SLC2A7: variants seen among roughly 807,000 people sequenced by gnomAD.
SLC2A7 encodes solute carrier family 2, facilitated glucose transporter member 7.
Under a neutral mutation model 50.5 loss-of-function variants are expected in SLC2A7, and 50 were observed. The observed-to-expected ratio is 0.99, with a 90% confidence interval of 0.79 to 1.25. The LOEUF is 1.25. SLC2A7 is among the 50% of genes most tolerant of loss of function. The pLI, the probability that SLC2A7 is intolerant of heterozygous loss-of-function variation, is 0.00. For synonymous variants in SLC2A7, 308 were observed against 300.4 expected, an observed-to-expected ratio of 1.03 and a Z score of -0.26; for missense variants, 683 against 679.1, an observed-to-expected ratio of 1.01 and a Z score of -0.06.
intron 1 of SLC2A7, 75 bp from the exon 2 acceptor site, chr1:9,025,149 C>T: frequency 6.9e-7 from 1 of 1,457,816 alleles, no homozygotes; most frequent in Non-Finnish European, 9.5e-7. Context: ...GCCTCCACCT[C>T]CCTCCAGCCT....
At chr1:9,017,762 C>T (rs1461748517) in intron 5 of SLC2A7, among the ~76,000 whole-genome samples, 2 of 152,210 alleles carry the variant, frequency 1.3e-5, no homozygotes, top group Non-Finnish European at 2.9e-5. Context: ...ACGACCCCCA[C>T]TCGCTCTCAG....
At chr1:9,003,885 A>C (rs1170478751) in intron 11 of SLC2A7, among the ~76,000 whole-genome samples, 1 of 151,976 alleles carries the variant, frequency 6.6e-6, no homozygotes, top group African/African-American at 2.4e-5. Flanking sequence ...CAAAAACCCC[A>C]AAACAAACAA....
chr1:8,993,786 C>A, the SLC2A7 span, among the ~76,000 whole-genome samples: 1 of 152,116 alleles, frequency 6.6e-6, no homozygotes, highest in Non-Finnish European at 1.5e-5. Context: ...CGTCACCATG[C>A]CCGGCTACTT....
chr1:9,019,887 G>A (rs1640887828), intron 3 of SLC2A7, among the ~76,000 whole-genome samples: 1 of 152,000 alleles, frequency 6.6e-6, no homozygotes, highest in Admixed American at 6.6e-5. Context: ...TCGTGCCACT[G>A]CACTCCATCC....
intron 1 of SLC2A7, 133 bp from the exon 2 acceptor site, chr1:9,025,207 G>C: frequency 1.1e-6 from 1 of 886,820 alleles, no homozygotes; most frequent in Non-Finnish European, 1.8e-6. Context: ...CCCCGGAAAA[G>C]AGGAGGAGGT....
At chr1:9,013,756 G>C in intron 7 of SLC2A7, 121 bp from the exon 8 acceptor site, 1 of 762,508 alleles carries the variant, frequency 1.3e-6, no homozygotes, top group South Asian at 2.0e-5. Context: ...GACAGGAAGA[G>C]GGTAGCAGGT....
At chr1:9,017,586 G>A (rs995059742) in intron 5 of SLC2A7, among the ~76,000 whole-genome samples, 2 of 152,200 alleles carry the variant, frequency 1.3e-5, no homozygotes, top group African/African-American at 4.8e-5. Flanking sequence ...GTTGAGCCTG[G>A]ACTAAAACGG....
the SLC2A7 span, among the ~76,000 whole-genome samples, chr1:8,995,687 G>A: frequency 1.3e-5 from 2 of 152,222 alleles, no homozygotes; most frequent in Non-Finnish European, 1.5e-5. Flanking sequence ...GGAGGTTGCA[G>A]TGAGCTGAGA....
downstream of SLC2A7, among the ~76,000 whole-genome samples, chr1:9,001,679 A>G (rs1557644491): frequency 6.6e-6 from 1 of 151,878 alleles, no homozygotes; most frequent in African/African-American, 2.4e-5. Context: ...CAGCCTCCCA[A>G]AGTGCTGGGT....
Position 9,008,903 on chromosome 1 carries a change from T to C in SLC2A7, c.1116+1240A>G, listed in dbSNP as rs1032936997. On this transcript the variant is annotated intron_variant, in intron 9 of 11. Coordinates refer to ENST00000400906, the MANE Select transcript of SLC2A7 (RefSeq NM_207420.3). The surrounding 1 kb of genome is among the most constrained non-coding windows in gnomAD (Gnocchi z 5.9). ...GAGCCACTGCGTCTGGCTGAGAACT[T>C]ATACTGGTTTTAAAATTAAAGAAGA... Among the ~76,000 whole-genome samples, 1 of 152,206 alleles carries C rather than the reference T, an allele frequency of 6.6e-6. No homozygotes were observed. The highest frequency in any genetic ancestry group is 1.9e-4 in the East Asian group (1 of 5,198).
At chr1:9,013,056 C>A (rs111539677) in intron 8 of SLC2A7, among the ~76,000 whole-genome samples, 3,685 of 152,168 alleles carry the variant, frequency 0.024, 149 homozygotes, top group African/African-American at 0.084. Context: ...ATGCCCAGCT[C>A]ATTTTTGTAT....
chr1:9,014,508 A>T (rs1640796376), intron 7 of SLC2A7, among the ~76,000 whole-genome samples, 173 bp downstream of exon 7: 1 of 152,170 alleles, frequency 6.6e-6, no homozygotes, highest in Non-Finnish European at 1.5e-5. Flanking sequence ...ATGTGGGGAG[A>T]GGCAGAGCAC....
intron 7 of SLC2A7, among the ~76,000 whole-genome samples, chr1:9,014,063 C>T (rs533463871): frequency 1.6e-4 from 24 of 152,220 alleles, no homozygotes; most frequent in African/African-American, 4.3e-4. Flanking sequence ...TGAAAGGCCA[C>T]GTGTGCTATT....
downstream of SLC2A7, among the ~76,000 whole-genome samples, chr1:9,000,333 T>G (rs1640557345): frequency 6.6e-6 from 1 of 150,534 alleles, no homozygotes; most frequent in African/African-American, 2.4e-5. Flanking sequence ...AAAGGGGTGG[T>G]CTAGGCTGGG....
chr1:9,011,534 C>T (rs559901717), intron 8 of SLC2A7, among the ~76,000 whole-genome samples: 3 of 151,558 alleles, frequency 2.0e-5, no homozygotes, highest in South Asian at 2.1e-4. Context: ...TAAAAATAGC[C>T]CCCTCCTATT....
chr1:9,003,474 G>T lies in SLC2A7; in HGVS notation c.1365C>A (p.Cys455Ter), dbSNP rs1446616990. Reference sequence around the variant, plus strand: ...CGTAGATGTAAATCGCAGTGAGGAGGCAGATTCCGGCAAAGATGATGAAAC... The same window carrying T: ...CGTAGATGTAAATCGCAGTGAGGAGTCAGATTCCGGCAAAGATGATGAAAC... ...AYSFIIFAGI[C>*]LLTAIYIYVV... Residue 455 changes from cysteine to a stop codon, truncating the protein, a stop_gained, in exon 12 of 12, where the codon TGC becomes TGA. Coordinates refer to ENST00000400906, the MANE Select transcript of SLC2A7 (RefSeq NM_207420.3). LOFTEE classifies it low-confidence loss of function (END_TRUNC). 6.2e-7 allele frequency: 1 copy of T among 1,614,218 alleles called. No individual in the cohort carries two copies. Among genetic ancestry groups the T allele is most frequent in the South Asian group, 1.1e-5 (1 of 91,088 alleles).
chr1:9,017,706 C>T (rs1044331325), intron 5 of SLC2A7, among the ~76,000 whole-genome samples: 1 of 152,168 alleles, frequency 6.6e-6, no homozygotes, highest in Non-Finnish European at 1.5e-5. Context: ...AGTGATTTTT[C>T]AGCAGACCTT....
rs1640597966 is a variant in SLC2A7, at chr1:9,003,064, A to G, written c.*236T>C. On this transcript the variant is annotated 3_prime_UTR_variant, in exon 12 of 12. Transcript: ENST00000400906. ...TGTAGAATCGGAAAATCGAGTCTTA[A>G]CCAATCAAAATTCACGTGCCGGCCC... Among the ~76,000 whole-genome samples the G allele has an allele frequency of 6.6e-6, 1 of 152,234 alleles. No homozygotes were observed. The highest frequency in any genetic ancestry group is 2.4e-5 in the African/African-American group (1 of 41,462).
chr1:9,014,993 C>A, intron 6 of SLC2A7, 124 bp downstream of exon 6: 1 of 1,516,342 alleles, frequency 6.6e-7, no homozygotes, highest in Admixed American at 2.1e-5. Context: ...TTGCCACCCC[C>A]CCACCCCGTT....
Sources: gnomAD v4.1 joint callset for allele counts (sites outside exome capture counted in the v4.1 genomes callset) on GRCh38, gnomAD v4.1.1 for gene constraint, Gnocchi (gnomAD v3.1) non-coding constraint, MANE v1.5 for transcripts, NCBI Gene and HGNC (gene_info 2026-07-23, HGNC 2026-07-21) for gene names.